Variants in PRKAG2 observed in about 807,000 individuals in gnomAD.
PRKAG2 encodes the protein 5'-AMP-activated protein kinase subunit gamma-2.
Under a neutral mutation model 69.6 loss-of-function variants are expected in PRKAG2, and 26 were observed. The ratio of observed to expected loss-of-function variants is 0.37; its 90% confidence interval spans 0.27 to 0.52. The LOEUF is 0.52. PRKAG2 is among the 20% of genes least tolerant of loss of function. PRKAG2 has a pLI of 0.90. For missense variants in PRKAG2, 557 were observed against 740.0 expected, an observed-to-expected ratio of 0.75 and a Z score of 2.87; for synonymous variants, 293 against 285.0, an observed-to-expected ratio of 1.03 and a Z score of -0.28.
chr7:151,867,275 G>A (rs2080103587), intron 1 of PRKAG2, among the ~76,000 whole-genome samples: 1 of 152,214 alleles, frequency 6.6e-6, no homozygotes, highest in Admixed American at 6.5e-5. Context: ...CTGTGATAAT[G>A]CGGCACCACA....
At chr7:151,810,021 G>A (rs916402251) in intron 1 of PRKAG2, 10 of 152,258 alleles carry the variant, frequency 6.6e-5, no homozygotes, top group African/African-American at 2.4e-4. Context: ...GCTGCTTACT[G>A]GCCCCGGGTT....
intron 3 of PRKAG2, among the ~76,000 whole-genome samples, chr7:151,739,652 T>C (rs1257291087): frequency 6.6e-6 from 1 of 152,006 alleles, no homozygotes; most frequent in African/African-American, 2.4e-5. Flanking sequence ...GTATTTTTCG[T>C]AGAGACGGGG....
rs1036149954 is a variant in PRKAG2 at position 151,719,796 on chromosome 7, T to C, written c.467-44159A>G. ...ACAAGAAACTGGAGCCTGCCCCTCC[T>C]CCCCCTGAGTTTGCCAGGCAGCCTG... On this transcript the variant is annotated intron_variant, in intron 3 of 15. Coordinates refer to ENST00000287878, the MANE Select transcript of PRKAG2 (RefSeq NM_016203.4). The surrounding 1 kb of genome is among the most constrained non-coding windows in gnomAD (Gnocchi z 5.2). Among the ~76,000 whole-genome samples, 1 of 94,644 alleles carries C rather than the reference T, an allele frequency of 1.1e-5. No individual in the cohort carries two copies. Among genetic ancestry groups the C allele is most frequent in the Non-Finnish European group, 2.6e-5 (1 of 38,702 alleles). The allele number at this position is 94,644 out of a possible 152,430, so 62.1% of individuals were successfully genotyped here.
chr7:151,579,305 A>C (rs1482988255), intron 6 of PRKAG2, among the ~76,000 whole-genome samples: 1 of 152,228 alleles, frequency 6.6e-6, no homozygotes, highest in Non-Finnish European at 1.5e-5. Flanking sequence ...TACAGGCATG[A>C]GCCACTGCAC....
chr7:151,590,197 A>C (rs1356107405), intron 6 of PRKAG2, among the ~76,000 whole-genome samples: 1 of 152,264 alleles, frequency 6.6e-6, no homozygotes, highest in Non-Finnish European at 1.5e-5. Flanking sequence ...CAAAGGACTC[A>C]GTATGACAGC....
chr7:151,821,096 T>A (rs186943070), intron 1 of PRKAG2, among the ~76,000 whole-genome samples: 1 of 3,432 alleles, frequency 2.9e-4, no homozygotes, highest in Non-Finnish European at 1.1e-3. Flanking sequence ...CCACACAACA[T>A]CGTGTGTGGC....
In PRKAG2 at chr7:151,666,697, G is replaced by A. The variant is rs529683347; in HGVS notation, c.684+8723C>T. 3.9e-5 allele frequency among the ~76,000 whole-genome samples: 6 copies of A among 152,290 alleles called. No individual in the cohort carries two copies. The South Asian group carries it at 6.2e-4, about 16-fold the overall frequency. On this transcript the variant is annotated intron_variant, in intron 4 of 15. Transcript: ENST00000287878. ...ATGCCCTCCCATGGCTGGCAAGCTA[G>A]TGATGGCTGTTGGCAAGGGGCCGTA...
chr7:151,815,880 A>G (rs1284232134), intron 1 of PRKAG2, among the ~76,000 whole-genome samples: 1 of 152,238 alleles, frequency 6.6e-6, no homozygotes, highest in African/African-American at 2.4e-5. Context: ...AATTGCTTCC[A>G]AAGATATTGA....
intron 3 of PRKAG2, among the ~76,000 whole-genome samples, chr7:151,722,894 C>G (rs1797345084): frequency 6.6e-6 from 1 of 152,118 alleles, no homozygotes; most frequent in South Asian, 2.1e-4. Context: ...CAGCTGCTCC[C>G]CATTTCTGAG....
chr7:151,798,983 C>T (rs988564367), intron 1 of PRKAG2, among the ~76,000 whole-genome samples: 5 of 152,166 alleles, frequency 3.3e-5, no homozygotes, highest in Non-Finnish European at 7.3e-5. Flanking sequence ...CCCAGGCCAC[C>T]GCTAGACCCA....
intron 3 of PRKAG2, among the ~76,000 whole-genome samples, chr7:151,706,689 A>T (rs1838673658): frequency 6.6e-6 from 1 of 152,274 alleles, no homozygotes; most frequent in Non-Finnish European, 1.5e-5. Context: ...CAAAGGAAAG[A>T]TGCAAACCCA....
intron 9 of PRKAG2, 144 bp from the exon 10 acceptor site, chr7:151,570,369 T>G (rs1428817619): frequency 1.1e-6 from 1 of 904,154 alleles, no homozygotes; most frequent in African/African-American, 1.7e-5. Context: ...TGCCTAAAAC[T>G]CCTGTGTTAA....
chr7:151,572,789 C>T, intron 8 of PRKAG2, 80 bp from the exon 9 acceptor site: 1 of 923,670 alleles, frequency 1.1e-6, no homozygotes, highest in South Asian at 1.6e-5. Flanking sequence ...CAAAACATAG[C>T]TTGGATAATA....
chr7:151,866,127 G>A (rs2080071953), intron 1 of PRKAG2, among the ~76,000 whole-genome samples: 1 of 152,336 alleles, frequency 6.6e-6, no homozygotes, highest in African/African-American at 2.4e-5. Flanking sequence ...CTAGAAAGGG[G>A]CCAAGTGAAG....
At chr7:151,727,484 G>A (rs1456538858) in intron 3 of PRKAG2, among the ~76,000 whole-genome samples, 4 of 152,208 alleles carry the variant, frequency 2.6e-5, no homozygotes, top group Non-Finnish European at 4.4e-5. Context: ...CCCCTGGGCA[G>A]GGACTCTGGA....
At position 151,858,919 on chromosome 7, in the gene PRKAG2, T is replaced by C. The variant is rs563893020; in HGVS notation, c.114+17588A>G. 1.0e-3 allele frequency among the ~76,000 whole-genome samples: 153 copies of C among 152,224 alleles called. 2 individuals are homozygous for C. The highest frequency in any genetic ancestry group is 3.6e-3 in the African/African-American group (148 of 41,528). The stretch of plus-strand genomic sequence containing the variant: ...GAGCTGACGGGCACCCTAGGCCTTG[T>C]CTCGCCCCTAGGAGGCCCCTCTTCC... On this transcript the variant is annotated intron_variant, in intron 1 of 15. Transcript: ENST00000287878.
chr7:151,856,261 T>C (rs2079772518), intron 1 of PRKAG2, among the ~76,000 whole-genome samples: 1 of 152,120 alleles, frequency 6.6e-6, no homozygotes, highest in Non-Finnish European at 1.5e-5. Context: ...ACACAGCCAA[T>C]GAGAGGTGTG....
At chr7:151,682,535 GC>G (rs917557480) in intron 3 of PRKAG2, among the ~76,000 whole-genome samples, 3 of 152,142 alleles carry the variant, frequency 2.0e-5, no homozygotes, top group African/African-American at 4.8e-5. Context: ...GCCATGCCTG[GC>G]CCCCCATTAC....
At chr7:151,688,878 G>A (rs1322062522) in intron 3 of PRKAG2, among the ~76,000 whole-genome samples, 4 of 152,090 alleles carry the variant, frequency 2.6e-5, no homozygotes, top group African/African-American at 9.7e-5. Flanking sequence ...TCTGTATTCC[G>A]AGGGGTCTCA....
Sources: allele counts gnomAD v4.1 joint callset (sites outside exome capture counted in the v4.1 genomes callset), GRCh38; gene constraint gnomAD v4.1.1; non-coding constraint Gnocchi (gnomAD v3.1); transcripts MANE v1.5; gene names NCBI Gene and HGNC (gene_info 2026-07-23, HGNC 2026-07-21).